Variants in FOCAD observed in about 807,000 individuals in gnomAD.
The protein encoded by FOCAD is KIAA1797.
In FOCAD, 198 loss-of-function variants were observed where a neutral mutation model predicts 225.6. That is an observed-to-expected ratio of 0.88 (90% CI 0.78 to 0.99). FOCAD has a LOEUF of 0.99. FOCAD is among the 50% of genes least tolerant of loss of function. The pLI, the probability that FOCAD is intolerant of heterozygous loss-of-function variation, is 0.00. For synonymous variants in FOCAD, 897 were observed against 755.0 expected (o/e 1.19, Z -3.08); for missense variants, 2,713 against 2,123.6 (o/e 1.28, Z -5.46).
chr9:20,837,505 GA>G (rs1826104588), intron 15 of FOCAD, among the ~76,000 whole-genome samples: 1 of 151,496 alleles, frequency 6.6e-6, no homozygotes, highest in Non-Finnish European at 1.5e-5. Flanking sequence ...CCATTCCAGT[GA>G]ATAAAATATA....
In FOCAD at chr9:20,963,694, A is replaced by T. The variant is rs567781345; in HGVS notation, c.4132+10629A>T. Among the ~76,000 whole-genome samples, 5 of 152,360 alleles carry T rather than the reference A, an allele frequency of 3.3e-5. No homozygotes were observed. In the South Asian group the frequency reaches 1.0e-3, roughly 32 times the overall value. The stretch of plus-strand genomic sequence containing the variant: ...CTATTTCTATGAATCATGTGCTAAG[A>T]AAACCCCAAAAAGCAACTTAATTTT... On this transcript the variant is annotated intron_variant, in intron 35 of 43. Coordinates refer to ENST00000338382, the MANE Select transcript of FOCAD (RefSeq NM_001375567.1).
intron 2 of FOCAD, among the ~76,000 whole-genome samples, chr9:20,717,423 C>A (rs1312385091): frequency 6.6e-6 from 1 of 152,156 alleles, no homozygotes; most frequent in Non-Finnish European, 1.5e-5. Context: ...TGGTGGATTT[C>A]GTTTCAGTGC....
chr9:20,797,718 G>T (rs1821285302), intron 11 of FOCAD, among the ~76,000 whole-genome samples: 1 of 152,154 alleles, frequency 6.6e-6, no homozygotes, highest in African/African-American at 2.4e-5. Context: ...CTTTGCTGAA[G>T]TTGCTTATCA....
intron 1 of FOCAD, among the ~76,000 whole-genome samples, chr9:20,707,034 A>G (rs1355676302): frequency 1.3e-5 from 2 of 152,222 alleles, no homozygotes; most frequent in Non-Finnish European, 2.9e-5. Flanking sequence ...ACTTGATCAC[A>G]TATTCTTACT....
At chr9:20,946,129 A>T (rs1472364076) in intron 29 of FOCAD, among the ~76,000 whole-genome samples, 2 of 152,012 alleles carry the variant, frequency 1.3e-5, no homozygotes, top group Non-Finnish European at 2.9e-5. Context: ...TCATCAACAT[A>T]TTAAGTTCCC....
chr9:20,866,916 TTAC>T lies in FOCAD; in HGVS notation c.2107-12_2107-10del. The T allele has an allele frequency of 2.3e-6, 2 of 885,974 alleles. No individual in the cohort carries two copies. The highest frequency in any genetic ancestry group is 3.3e-6 in the Non-Finnish European group (2 of 600,114). The allele number at this position is 885,974 out of a possible 1,614,324, so 54.9% of individuals were successfully genotyped here. On this transcript the variant is annotated splice_polypyrimidine_tract_variant and intron_variant, in intron 17 of 43. Coordinates refer to ENST00000338382, the MANE Select transcript of FOCAD (RefSeq NM_001375567.1). The stretch of plus-strand genomic sequence containing the variant: ...TTTTTTTTTTTTTTTTTTTTTTTTT[TTAC>T]CCTATCTAGGACCCAATTGTAGCAA...
intron 19 of FOCAD, among the ~76,000 whole-genome samples, chr9:20,876,263 TC>T (rs1287670976): frequency 6.6e-6 from 1 of 152,164 alleles, no homozygotes; most frequent in East Asian, 1.9e-4. Context: ...GTCTAAGGCC[TC>T]CCTGAAGTTA....
At chr9:20,712,523 G>C (rs1365201890) in intron 1 of FOCAD, among the ~76,000 whole-genome samples, 2 of 63,604 alleles carry the variant, frequency 3.1e-5, no homozygotes, top group Admixed American at 3.2e-4. Flanking sequence ...GCTGAGCCCA[G>C]TGGTGGTGGG....
intron 21 of FOCAD, among the ~76,000 whole-genome samples, chr9:20,889,108 T>C (rs1831386996): frequency 1.3e-5 from 2 of 152,216 alleles, no homozygotes; most frequent in Admixed American, 6.5e-5. Flanking sequence ...AAAGAAACTG[T>C]GTACCCATTT....
chr9:20,735,568 T>G (rs571661711), intron 4 of FOCAD, among the ~76,000 whole-genome samples: 2 of 151,768 alleles, frequency 1.3e-5, no homozygotes, highest in African/African-American at 4.8e-5. Context: ...CAGGTTTGAG[T>G]GCTGTGGTGA....
chr9:20,833,293 C>G (rs1356735571), intron 15 of FOCAD, among the ~76,000 whole-genome samples: 1 of 151,940 alleles, frequency 6.6e-6, no homozygotes, highest in South Asian at 2.1e-4. Context: ...TTACCAATAG[C>G]AGTCCTGAAT....
intron 31 of FOCAD, among the ~76,000 whole-genome samples, 179 bp downstream of exon 31, chr9:20,948,572 T>TA (rs1197403768): frequency 2.6e-5 from 4 of 152,200 alleles, no homozygotes; most frequent in Non-Finnish European, 5.9e-5. Context: ...TGCCAACTAT[T>TA]ATAATTTTTT....
At chr9:20,854,995 GTTAAAC>G (rs1175650376) in intron 15 of FOCAD, among the ~76,000 whole-genome samples, 2 of 151,590 alleles carry the variant, frequency 1.3e-5, no homozygotes, top group African/African-American at 2.4e-5. Context: ...TTTATTTTAA[GTTAAAC>G]TTGAATGTGC....
intron 32 of FOCAD, 121 bp downstream of exon 32, chr9:20,949,049 C>A (rs374440235): frequency 8.4e-6 from 7 of 834,864 alleles, no homozygotes; most frequent in Non-Finnish European, 1.3e-5. Flanking sequence ...GTAATAGTTA[C>A]ACCAGACTTT....
chr9:20,939,835 G>A, intron 28 of FOCAD, among the ~76,000 whole-genome samples: 1 of 150,600 alleles, frequency 6.6e-6, no homozygotes. Flanking sequence ...CATGTGCCAT[G>A]TTGGTGTGCT....
At chr9:20,757,479 G>T (rs1450172621) in intron 5 of FOCAD, among the ~76,000 whole-genome samples, 1 of 152,072 alleles carries the variant, frequency 6.6e-6, no homozygotes, top group Non-Finnish European at 1.5e-5. Context: ...AATAGAAGTA[G>T]CTCAAATAAA....
intron 4 of FOCAD, among the ~76,000 whole-genome samples, chr9:20,725,627 TAGTCTATAAAATTCC>T (rs140549635): frequency 0.011 from 1,654 of 152,352 alleles, 37 homozygotes; most frequent in African/African-American, 0.038. Context: ...TTTGTAAGTC[TAGTCTATAAAATTCC>T]TTTGGAACAC....
At chr9:20,850,555 CTT>C (rs1305376463) in intron 15 of FOCAD, among the ~76,000 whole-genome samples, 1 of 151,736 alleles carries the variant, frequency 6.6e-6, no homozygotes, top group African/African-American at 2.4e-5. Flanking sequence ...GAAAATAAAT[CTT>C]TTGCAGTCTT....
chr9:20,979,154 CAT>C (rs1840465962), intron 37 of FOCAD, among the ~76,000 whole-genome samples: 1 of 152,194 alleles, frequency 6.6e-6, no homozygotes, highest in South Asian at 2.1e-4. Flanking sequence ...AACAGAAAAA[CAT>C]ATTCCATGAT....
Sources: allele counts gnomAD v4.1 joint callset (sites outside exome capture counted in the v4.1 genomes callset), GRCh38; gene constraint gnomAD v4.1.1; transcripts MANE v1.5; gene names NCBI Gene and HGNC (gene_info 2026-07-23, HGNC 2026-07-21).